Variants in PKP4 observed in about 807,000 individuals in gnomAD.
PKP4 encodes the protein plakophilin 4.
In PKP4, 90 loss-of-function variants were observed where a neutral mutation model predicts 145.1. That is an observed-to-expected ratio of 0.62 (90% CI 0.52 to 0.74). The LOEUF (loss-of-function observed/expected upper bound fraction) is 0.74, where lower values mean the gene tolerates loss of function less well. Ranked by LOEUF, PKP4 falls within the 30% of genes least tolerant of loss-of-function variation. The probability of loss-of-function intolerance (pLI) is 0.00; values close to 1 mark genes in which losing one functional copy is unlikely to be tolerated. For synonymous variants in PKP4, 563 were observed against 577.2 expected, an observed-to-expected ratio of 0.98 and a Z score of 0.35; for missense variants, 1,340 against 1,482.7, an observed-to-expected ratio of 0.90 and a Z score of 1.58.
chr2:158,612,066 C>T (rs2051196719), intron 4 of PKP4, among the ~76,000 whole-genome samples: 1 of 151,158 alleles, frequency 6.6e-6, no homozygotes, highest in Admixed American at 6.6e-5. Context: ...GTAGAAATTT[C>T]CTTCATTCCA....
intron 3 of PKP4, 135 bp downstream of exon 3, chr2:158,577,518 A>G (rs2047959258): frequency 1.6e-6 from 1 of 613,510 alleles, no homozygotes. Context: ...AAAAATGTCC[A>G]TTTATTCTAA....
chr2:158,574,507 A>G (rs2047678253), intron 2 of PKP4, among the ~76,000 whole-genome samples: 1 of 152,226 alleles, frequency 6.6e-6, no homozygotes, highest in African/African-American at 2.4e-5. Context: ...TCAGTCAGTC[A>G]AAGAGGCCAG....
intron 1 of PKP4, among the ~76,000 whole-genome samples, chr2:158,458,646 A>T (rs1689270191): frequency 6.6e-6 from 1 of 152,232 alleles, no homozygotes; most frequent in Non-Finnish European, 1.5e-5. Context: ...GCTCACGGGC[A>T]TGTACTGCGA....
chr2:158,637,083 A>T (rs2053871419), intron 9 of PKP4, among the ~76,000 whole-genome samples: 1 of 152,294 alleles, frequency 6.6e-6, no homozygotes, highest in African/African-American at 2.4e-5. Flanking sequence ...TGTAGATGAT[A>T]CATTATAGGG....
At chr2:158,624,790 G>A (rs966087689) in intron 6 of PKP4, 88 bp from the exon 7 acceptor site, 5 of 989,286 alleles carry the variant, frequency 5.1e-6, no homozygotes, top group Non-Finnish European at 7.5e-6. Flanking sequence ...TTCACATTCT[G>A]TAGTGAGCTA....
chr2:158,566,733 A>G (rs939685235), intron 2 of PKP4, among the ~76,000 whole-genome samples: 3 of 152,168 alleles, frequency 2.0e-5, no homozygotes, highest in African/African-American at 7.2e-5. Flanking sequence ...CTCAATATTT[A>G]TTTGACTACT....
chr2:158,466,987 G>C (rs1690724596), intron 1 of PKP4, among the ~76,000 whole-genome samples: 2 of 152,074 alleles, frequency 1.3e-5, no homozygotes, highest in Non-Finnish European at 2.9e-5. Flanking sequence ...TTTTCAAAGG[G>C]GAAATGTTAC....
intron 2 of PKP4, among the ~76,000 whole-genome samples, chr2:158,558,587 T>G: frequency 6.7e-6 from 1 of 150,324 alleles, no homozygotes; most frequent in Admixed American, 6.6e-5. Flanking sequence ...GAGAGAACAG[T>G]TGGTACAGAG....
At chr2:158,565,435 CTTTTT>C (rs10690465) in intron 2 of PKP4, among the ~76,000 whole-genome samples, 1 of 135,756 alleles carries the variant, frequency 7.4e-6, no homozygotes, top group South Asian at 2.3e-4. Context: ...TTCTTTTTTC[CTTTTT>C]TTTTTTTTTT....
At chr2:158,571,544 T>C (rs2047409547) in intron 2 of PKP4, among the ~76,000 whole-genome samples, 1 of 152,180 alleles carries the variant, frequency 6.6e-6, no homozygotes, top group Non-Finnish European at 1.5e-5. Flanking sequence ...GAGAGGGTTG[T>C]AGGAAAATGC....
In PKP4 at chr2:158,552,701, A is replaced by G. The variant is rs140328657; in HGVS notation, c.132+19385A>G. Among the ~76,000 whole-genome samples the G allele has an allele frequency of 2.0e-4, 31 of 152,348 alleles. No individual in the cohort carries two copies. The East Asian group carries it at 5.8e-3, about 28-fold the overall frequency. On this transcript the variant is annotated intron_variant, in intron 2 of 21. Coordinates refer to ENST00000389759, the MANE Select transcript of PKP4 (RefSeq NM_003628.6). ...CCACCGCAATAAAGCTAATATTCCA[A>G]TAAAGTGAGACATAAATTTTTTTGG...
Position 158,650,783 on chromosome 2 carries a change from G to A in PKP4, c.1910-7348G>A, listed in dbSNP as rs2051948. On this transcript the variant is annotated intron_variant, in intron 11 of 21. Transcript: ENST00000389759. ...CTCCCCCGTGCCCCATGAGGATTAT[G>A]CATCTGCTGTGCAGGAAATCCCAGA... Among the ~76,000 whole-genome samples, 13 of 152,192 alleles carry A rather than the reference G, an allele frequency of 8.5e-5. No individual in the cohort carries two copies. In the South Asian group the frequency reaches 2.5e-3, roughly 29 times the overall value.
At chr2:158,610,254 C>A (rs573551918) in intron 4 of PKP4, among the ~76,000 whole-genome samples, 3 of 152,122 alleles carry the variant, frequency 2.0e-5, no homozygotes, top group African/African-American at 7.2e-5. Context: ...TGTTAGCGCT[C>A]CCTTCTGTTT....
rs1427641633 is a variant in PKP4 at position 158,680,653 on chromosome 2, A to G, written c.3555A>G (p.Pro1185=). 1 of 1,613,588 alleles carries G rather than the reference A, an allele frequency of 6.2e-7. No individual in the cohort carries two copies. Among genetic ancestry groups the G allele is most frequent in the South Asian group, 1.1e-5 (1 of 90,962 alleles). Residue 1185 remains proline (P), a synonymous_variant, in exon 22 of 22, where the codon CCA becomes CCG. Transcript: ENST00000389759. ...KRPSYRAEQY[P]GSPDSWV ...CTTCTTATAGAGCAGAACAGTACCC[A>G]GGGTCCCCAGACTCATGGGTGTAGC...
chr2:158,621,349 G>A lies in PKP4; in HGVS notation c.531G>A (p.Gln177=), dbSNP rs761476279. Residue 177 remains glutamine (Q), a synonymous_variant, in exon 6 of 22, where the codon CAG becomes CAA. Transcript: ENST00000389759. ...QNVSKADNRQ[Q]HSFIGSTNNH... Reference sequence around the variant, plus strand: ...TGAGCAAGGCAGACAACAGACAGCAGCATTCATTCATAGGATCAACTAACA... The same window carrying A: ...TGAGCAAGGCAGACAACAGACAGCAACATTCATTCATAGGATCAACTAACA... 9.9e-6 allele frequency: 16 copies of A among 1,614,148 alleles called. No individual in the cohort carries two copies. The highest frequency in any genetic ancestry group is 1.2e-5 in the Non-Finnish European group (14 of 1,179,984).
chr2:158,619,363 C>T (rs2051971491), intron 4 of PKP4, among the ~76,000 whole-genome samples: 2 of 152,144 alleles, frequency 1.3e-5, no homozygotes, highest in Non-Finnish European at 2.9e-5. Flanking sequence ...AGAACTGTCA[C>T]AGAATTCTAC....
intron 1 of PKP4, among the ~76,000 whole-genome samples, chr2:158,476,175 C>T (rs966820187): frequency 6.6e-6 from 1 of 152,080 alleles, no homozygotes. Flanking sequence ...GGTACACATG[C>T]GATTGTATCT....
Position 158,621,095 on chromosome 2 carries a change from A to C in PKP4, c.386A>C (p.Glu129Ala). 1 of 1,614,206 alleles carries C rather than the reference A, an allele frequency of 6.2e-7. No homozygotes were observed. The highest frequency in any genetic ancestry group is 8.5e-7 in the Non-Finnish European group (1 of 1,180,026). Residue 129 changes from glutamate (E) to alanine (A), a missense_variant, in exon 5 of 22, where the codon GAA becomes GCA. Physicochemically the swap from Glu to Ala is moderately radical, Grantham distance 107. Transcript: ENST00000389759. ...GAACAAGGAACCCTCTATTCACCAG[A>C]ACAGACATCTCTCCATGAAAGTGAG... is the stretch of plus-strand genomic sequence containing the variant. ...EPEQGTLYSPEQTSLHESEGS... is the reference protein window; with the variant it reads ...EPEQGTLYSPAQTSLHESEGS...
At chr2:158,674,086 G>A in intron 19 of PKP4, 86 bp downstream of exon 19, 1 of 823,640 alleles carries the variant, frequency 1.2e-6, no homozygotes, top group Non-Finnish European at 2.2e-6. Flanking sequence ...ACATAAGCTG[G>A]TTAAGCCTGT....
Sources: allele counts gnomAD v4.1 joint callset (sites outside exome capture counted in the v4.1 genomes callset), GRCh38; gene constraint gnomAD v4.1.1; transcripts MANE v1.5; gene names NCBI Gene and HGNC (gene_info 2026-07-23, HGNC 2026-07-21).